The following RNASE11 variants were observed in gnomAD, a reference collection of about 807,000 sequenced individuals.
RNASE11 encodes the protein ribonuclease A family member 11 (inactive), also known as putative inactive ribonuclease 11.
For synonymous variants in RNASE11, 105 were observed against 86.1 expected, an observed-to-expected ratio of 1.22 and a Z score of -1.21; for missense variants, 252 against 237.8, an observed-to-expected ratio of 1.06 and a Z score of -0.39.
intron 1 of RNASE11, 128 bp from the exon 3 acceptor site, chr14:20,584,624 A>G (rs548311007): frequency 2.2e-5 from 14 of 638,442 alleles, no homozygotes; most frequent in Admixed American, 1.4e-4. Flanking sequence ...TGTGAATGGA[A>G]CTATGATATA....
exon 2 of RNASE11, chr14:20,583,638 C>T: frequency 1.7e-5 from 4 of 236,226 alleles, no homozygotes; most frequent in Non-Finnish European, 1.7e-5. Context: ...TTTACACCCT[C>T]CCCACCCTCC....
chr14:20,588,855 C>T (rs1408066786), upstream of RNASE11, among the ~76,000 whole-genome samples: 2 of 152,136 alleles, frequency 1.3e-5, no homozygotes, highest in African/African-American at 4.8e-5. Context: ...GGCATGATCT[C>T]GGCTCACTGC....
At chr14:20,584,410 G>A (rs1884388593) in exon 2 of RNASE11, 2 of 1,613,602 alleles carry the variant, frequency 1.2e-6, no homozygotes, top group Middle Eastern at 1.7e-4. Flanking sequence ...TATCTTCATT[G>A]TGCTTTCTGA....
intron 1 of RNASE11, among the ~76,000 whole-genome samples, chr14:20,585,420 A>G (rs1396040689): frequency 1.3e-5 from 2 of 152,164 alleles, no homozygotes; most frequent in African/African-American, 4.8e-5. Context: ...ATTCATGTTA[A>G]TCTTTTCTCC....
upstream of RNASE11, chr14:20,588,172 G>C (rs1194358077): frequency 6.6e-6 from 1 of 152,062 alleles, no homozygotes; most frequent in Non-Finnish European, 1.5e-5. Context: ...TAGAATTATA[G>C]ACTAATAGAC....
At chr14:20,589,504 C>T (rs1328277328), upstream of RNASE11, among the ~76,000 whole-genome samples, 2 of 151,898 alleles carry the variant, frequency 1.3e-5, no homozygotes, top group African/African-American at 2.4e-5. Flanking sequence ...CCACCCGCCT[C>T]GGCCTCCCAA....
intron 1 of RNASE11, among the ~76,000 whole-genome samples, chr14:20,586,457 G>T (rs1367710188): frequency 6.6e-6 from 1 of 151,812 alleles, no homozygotes; most frequent in Non-Finnish European, 1.5e-5. Context: ...AATTATATTT[G>T]AATTTAAAAT....
At chr14:20,584,758 TA>T (rs1359998926) in intron 1 of RNASE11, among the ~76,000 whole-genome samples, 1 of 152,212 alleles carries the variant, frequency 6.6e-6, no homozygotes, top group Non-Finnish European at 1.5e-5. Flanking sequence ...GAGAATTACG[TA>T]AGGTGACATG....
upstream of RNASE11, chr14:20,588,342 G>C (rs183214480): frequency 6.6e-6 from 1 of 152,306 alleles, no homozygotes; most frequent in Non-Finnish European, 1.5e-5. Flanking sequence ...GCCCATAGCT[G>C]AATGTGGGGA....
rs767771444 is a variant in RNASE11 at position 20,584,225 on chromosome 14, T to C, written c.250A>G (p.Asn84Asp). The C allele has an allele frequency of 6.2e-6, 10 of 1,614,102 alleles. No individual in the cohort carries two copies. In the South Asian group the frequency reaches 9.9e-5, roughly 16 times the overall value. ...CCCGAACTGTTTCCCTTGGGGTCAT[T>C]ATAATGTAAACTTCTGAATGTCAGT... Residue 84 changes from asparagine to aspartate, a missense_variant, in exon 2 of 2, where the codon AAT becomes GAT. Asn to Asp is a conservative substitution (Grantham distance 23). Coordinates refer to ENST00000553849, the Ensembl canonical transcript of RNASE11.
Position 20,585,176 on chromosome 14 carries a change from A to G in RNASE11, c.-22-680T>C, listed in dbSNP as rs530219114. On this transcript the variant is annotated intron_variant, in intron 1 of 1. Coordinates refer to ENST00000553849, the Ensembl canonical transcript of RNASE11. Reference sequence around the variant, plus strand: ...AGAGGGGTAGATAGGGTTGTATGAGATTGACTCAGGAGACCACGTGGAACC... The same window carrying G: ...AGAGGGGTAGATAGGGTTGTATGAGGTTGACTCAGGAGACCACGTGGAACC... The G allele has an allele frequency of 9.6e-6, 7 of 728,706 alleles. No individual in the cohort carries two copies. The South Asian group carries it at 4.4e-4, about 45-fold the overall frequency. The allele number at this position is 728,706 out of a possible 1,614,324, so 45.1% of individuals were successfully genotyped here. A position where few individuals can be genotyped will look rare whatever the true frequency, so the allele number is the denominator to read the frequency against.
At chr14:20,585,656 A>G (rs376440298) in intron 1 of RNASE11, among the ~76,000 whole-genome samples, 3 of 152,346 alleles carry the variant, frequency 2.0e-5, no homozygotes, top group South Asian at 2.1e-4. Context: ...TGTTAAGGAA[A>G]CAGGAAGAAG....
chr14:20,584,568 T>G, intron 1 of RNASE11, 72 bp from the exon 3 acceptor site: 3 of 1,288,236 alleles, frequency 2.3e-6, no homozygotes, highest in Non-Finnish European at 3.1e-6. Flanking sequence ...CTCCTGACAG[T>G]TATTCCTGGT....
chr14:20,589,703 A>G (rs1884522808), upstream of RNASE11, among the ~76,000 whole-genome samples: 1 of 152,020 alleles, frequency 6.6e-6, no homozygotes, highest in Non-Finnish European at 1.5e-5. Flanking sequence ...CCTGACCAAC[A>G]TGGAGAAACC....
Position 20,584,164 on chromosome 14 carries a change from CAG to C in RNASE11, c.309_310del (p.Trp104GlufsTer15), listed in dbSNP as rs1884377855. The C allele has an allele frequency of 6.2e-7, 1 of 1,614,176 alleles. No individual in the cohort carries two copies. Among genetic ancestry groups the C allele is most frequent in the Non-Finnish European group, 8.5e-7 (1 of 1,180,034 alleles). On this transcript the variant is annotated frameshift_variant, in exon 2 of 2. Transcript: ENST00000553849. LOFTEE classifies it low-confidence loss of function (END_TRUNC). ...TCCGTTTGCTTCTGAAACTTTTCTCCAGACTGTCATGTCATTGCAACACTCTT... is the reference window on the plus strand; with the variant it reads ...TCCGTTTGCTTCTGAAACTTTTCTCCACTGTCATGTCATTGCAACACTCTT...
chr14:20,586,494 C>T (rs1395932412), intron 1 of RNASE11, among the ~76,000 whole-genome samples: 1 of 152,012 alleles, frequency 6.6e-6, no homozygotes, highest in Non-Finnish European at 1.5e-5. Context: ...AGAGGAAAAA[C>T]CTAGCACCAA....
chr14:20,585,735 G>A (rs1007352332), intron 1 of RNASE11, among the ~76,000 whole-genome samples: 18 of 152,256 alleles, frequency 1.2e-4, no homozygotes, highest in Non-Finnish European at 2.2e-4. Context: ...AGCTGCCTGA[G>A]TTTTATTTAG....
chr14:20,584,216 T>G lies in RNASE11; in HGVS notation c.259A>C (p.Lys87Gln), dbSNP rs1205717187. The change falls in exon 2 of 2, where the codon AAG becomes CAG. Residue 87 changes from lysine (K) to glutamine (Q), a missense_variant. Transcript: ENST00000553849. The stretch of plus-strand genomic sequence containing the variant: ...TTGTCATTACCCGAACTGTTTCCCT[T>G]GGGGTCATTATAATGTAAACTTCTG... 3 of 1,614,102 alleles carry G rather than the reference T, an allele frequency of 1.9e-6. No homozygotes were observed. The highest frequency in any genetic ancestry group is 2.5e-6 in the Non-Finnish European group (3 of 1,180,036).
chr14:20,590,075 T>C (rs141284653), upstream of RNASE11: 117 of 1,012,560 alleles, frequency 1.2e-4, no homozygotes, highest in African/African-American at 1.7e-3. Context: ...ATGTAGAATT[T>C]ATGGTTTAAT....
Sources: allele counts gnomAD v4.1 joint callset (sites outside exome capture counted in the v4.1 genomes callset), GRCh38; gene constraint gnomAD v4.1.1; transcripts MANE v1.5; gene names NCBI Gene and HGNC (gene_info 2026-07-23, HGNC 2026-07-21).